Variants in MAGI2 observed in about 807,000 individuals in gnomAD.
The protein encoded by MAGI2 is membrane-associated guanylate kinase, WW and PDZ domain-containing protein 2.
In MAGI2, 35 loss-of-function variants were observed where a neutral mutation model predicts 133.3. The observed-to-expected ratio is 0.26, with a 90% CI of 0.20 to 0.35. The LOEUF is 0.35. Ranked by LOEUF, MAGI2 falls within the 10% of genes least tolerant of loss-of-function variation. The pLI is 1.00. For synonymous variants in MAGI2, 729 were observed against 710.6 expected (o/e 1.03, Z -0.41); for missense variants, 1,636 against 1,863.4 (o/e 0.88, Z 2.25).
chr7:78,090,103 T>C (rs1174804314), intron 20 of MAGI2, among the ~76,000 whole-genome samples: 2 of 152,174 alleles, frequency 1.3e-5, no homozygotes, highest in African/African-American at 4.8e-5. Flanking sequence ...CAATCCCATC[T>C]CCTAATCATG....
Position 79,199,816 on chromosome 7 carries a change from A to T in MAGI2, c.302-192610T>A, listed in dbSNP as rs560114388. Reference sequence around the variant, plus strand: ...GAGAGGTGAGGAAACCAAGCAAGACATGCAAAGATTTTGGACTCATTTCTG... The same window carrying T: ...GAGAGGTGAGGAAACCAAGCAAGACTTGCAAAGATTTTGGACTCATTTCTG... On this transcript the variant is annotated intron_variant, in intron 1 of 21. Coordinates refer to ENST00000354212, the MANE Select transcript of MAGI2 (RefSeq NM_012301.4). 4.6e-4 allele frequency among the ~76,000 whole-genome samples: 70 copies of T among 152,080 alleles called. 1 individual carries two copies. Among genetic ancestry groups the T allele is most frequent in the African/African-American group, 1.4e-3 (56 of 41,388 alleles).
At chr7:78,288,388 A>T (rs1463718550) in intron 9 of MAGI2, among the ~76,000 whole-genome samples, 2 of 152,222 alleles carry the variant, frequency 1.3e-5, no homozygotes, top group Non-Finnish European at 2.9e-5. Context: ...AATTAAAGTA[A>T]TCATGTACTG....
intron 2 of MAGI2, among the ~76,000 whole-genome samples, chr7:78,765,034 G>C (rs1245175485): frequency 1.3e-5 from 2 of 152,156 alleles, no homozygotes; most frequent in African/African-American, 4.8e-5. Flanking sequence ...GGAACGGAGA[G>C]GGAAAGACAG....
chr7:79,126,248 C>T (rs916537273), intron 1 of MAGI2, among the ~76,000 whole-genome samples: 8 of 152,196 alleles, frequency 5.3e-5, no homozygotes, highest in Non-Finnish European at 8.8e-5. Context: ...GACACTATTT[C>T]GTTTCCTCCT....
intron 16 of MAGI2, among the ~76,000 whole-genome samples, chr7:78,144,759 A>T (rs1372684069): frequency 6.6e-6 from 1 of 151,878 alleles, no homozygotes; most frequent in Non-Finnish European, 1.5e-5. Context: ...GTTTTTATTT[A>T]TTTTTTGTTA....
At chr7:78,418,319 G>A (rs954746643) in intron 6 of MAGI2, among the ~76,000 whole-genome samples, 1 of 152,070 alleles carries the variant, frequency 6.6e-6, no homozygotes, top group Non-Finnish European at 1.5e-5. Flanking sequence ...AAATAGATAA[G>A]GCTGTGTTAA....
At chr7:78,338,155 A>G (rs1427498287) in intron 9 of MAGI2, among the ~76,000 whole-genome samples, 2 of 152,106 alleles carry the variant, frequency 1.3e-5, no homozygotes, top group South Asian at 4.2e-4. Flanking sequence ...TGTTTGCTAC[A>G]AGTCTAAGTA....
intron 2 of MAGI2, among the ~76,000 whole-genome samples, chr7:78,659,619 T>C (rs1812712964): frequency 6.6e-6 from 1 of 152,070 alleles, no homozygotes; most frequent in Non-Finnish European, 1.5e-5. Context: ...GATTACTTGT[T>C]GCCAAGGGTA....
At chr7:79,074,770 A>C (rs1486085523) in intron 1 of MAGI2, among the ~76,000 whole-genome samples, 1 of 152,220 alleles carries the variant, frequency 6.6e-6, no homozygotes, top group Admixed American at 6.5e-5. Flanking sequence ...GGGAAAGCCA[A>C]ACAGGAAATC....
chr7:78,922,976 C>T (rs1032410075), intron 2 of MAGI2, among the ~76,000 whole-genome samples: 2 of 152,054 alleles, frequency 1.3e-5, no homozygotes, highest in African/African-American at 4.8e-5. Context: ...TGTCTTTTGG[C>T]TGCATAAATG....
intron 1 of MAGI2, among the ~76,000 whole-genome samples, chr7:79,228,516 T>C (rs909289761): frequency 1.1e-4 from 17 of 152,148 alleles, no homozygotes; most frequent in African/African-American, 3.9e-4. Flanking sequence ...GGGTATTTTA[T>C]TGGATAAATT....
chr7:78,235,316 A>G (rs924156073), intron 10 of MAGI2, among the ~76,000 whole-genome samples: 1 of 152,108 alleles, frequency 6.6e-6, no homozygotes, highest in South Asian at 2.1e-4. Context: ...GGAAATTACT[A>G]CTGTTGATTA....
intron 1 of MAGI2, among the ~76,000 whole-genome samples, chr7:79,056,178 G>A (rs1584806001): frequency 6.6e-6 from 1 of 152,076 alleles, no homozygotes; most frequent in Non-Finnish European, 1.5e-5. Flanking sequence ...AGGATGGCTT[G>A]ATGCCAGGAG....
chr7:78,098,774 C>T (rs1817942746), intron 20 of MAGI2, among the ~76,000 whole-genome samples: 1 of 152,082 alleles, frequency 6.6e-6, no homozygotes, highest in Non-Finnish European at 1.5e-5. Context: ...TTTGGAGTTG[C>T]CAGACTTTAA....
intron 6 of MAGI2, among the ~76,000 whole-genome samples, chr7:78,406,512 T>A (rs1797389864): frequency 6.6e-6 from 1 of 152,032 alleles, no homozygotes; most frequent in South Asian, 2.1e-4. Context: ...TTTTAAATGG[T>A]TTCTGCCGGC....
chr7:78,853,644 C>A (rs925181421), intron 2 of MAGI2, among the ~76,000 whole-genome samples: 4 of 152,016 alleles, frequency 2.6e-5, no homozygotes, highest in African/African-American at 9.7e-5. Flanking sequence ...GCGTAAGCCA[C>A]CATGTCTGGC....
At chr7:78,619,064 C>T (rs1479314707) in intron 3 of MAGI2, 1 of 81,084 alleles carries the variant, frequency 1.2e-5, no homozygotes, top group Non-Finnish European at 2.7e-5. Context: ...GAAGAAACAA[C>T]AAATATTGAA....
intron 1 of MAGI2, among the ~76,000 whole-genome samples, chr7:79,400,039 T>C (rs1845359978): frequency 6.6e-6 from 1 of 152,224 alleles, no homozygotes. Context: ...ATAGAAATTG[T>C]GAACTTGTGT....
intron 7 of MAGI2, among the ~76,000 whole-genome samples, chr7:78,349,934 GT>G (rs1229234311): frequency 6.6e-6 from 1 of 152,190 alleles, no homozygotes. Flanking sequence ...GCTCTGTGAG[GT>G]AAGTACTAGC....
Sources: allele counts gnomAD v4.1 joint callset (sites outside exome capture counted in the v4.1 genomes callset), GRCh38; gene constraint gnomAD v4.1.1; transcripts MANE v1.5; gene names NCBI Gene and HGNC (gene_info 2026-07-23, HGNC 2026-07-21).